The following H2BC18 variants were observed in gnomAD, a reference collection of about 807,000 sequenced individuals.
H2BC18 encodes the protein H2B clustered histone 18, also known as histone H2B type 2-F.
H2BC18 carries 8 observed loss-of-function variants against 6.3 expected under a neutral mutation model. The observed-to-expected ratio is 1.28, with a 90% confidence interval of 0.75 to 2.31. The LOEUF (loss-of-function observed/expected upper bound fraction) is 2.31, where lower values mean the gene tolerates loss of function less well. Among genes scored for constraint, H2BC18 ranks in the 30% most tolerant of loss-of-function variants. H2BC18 has a pLI of 0.00. For synonymous variants in H2BC18, 104 were observed against 78.1 expected (o/e 1.33, Z -1.75); for missense variants, 106 against 174.5 (o/e 0.61, Z 2.21).
At chr1:149,797,733 A>G (rs1303597447) in intron 1 of H2BC18, among the ~76,000 whole-genome samples, 5 of 152,080 alleles carry the variant, frequency 3.3e-5, no homozygotes, top group African/African-American at 1.2e-4. Flanking sequence ...TAGCAGTTCG[A>G]ACTATAGGCG....
At chr1:149,789,838 T>G (rs1442719503) in intron 1 of H2BC18, among the ~76,000 whole-genome samples, 1 of 152,162 alleles carries the variant, frequency 6.6e-6, no homozygotes. Context: ...ACCACTGGTA[T>G]AGAGGTATCC....
intron 1 of H2BC18, chr1:149,786,124 A>C (rs1553750819): frequency 6.6e-6 from 1 of 152,128 alleles, no homozygotes; most frequent in Non-Finnish European, 1.5e-5. Context: ...CTAATGTTTG[A>C]CAGTATCTGA....
chr1:149,792,385 G>A lies in H2BC18; in HGVS notation c.378-9125C>T. 3 of 366,074 alleles carry A rather than the reference G, an allele frequency of 8.2e-6. No individual in the cohort carries two copies. The South Asian group carries it at 9.4e-5, about 12-fold the overall frequency. 22.7% of individuals were successfully genotyped at this position (366,074 alleles called of 1,614,324 possible). A position where few individuals can be genotyped will look rare whatever the true frequency, so the allele number is the denominator to read the frequency against. ...TTACTAATTAGCTTCAGGATACGCT[G>A]CTCTCATACTTGGGCTGTAGTTTGG... is the stretch of plus-strand genomic sequence containing the variant. On this transcript the variant is annotated intron_variant, in intron 1 of 1. Transcript: ENST00000545683.
At chr1:149,792,669 C>A (rs1204798706) in intron 1 of H2BC18, 2 of 1,278,302 alleles carry the variant, frequency 1.6e-6, no homozygotes, top group East Asian at 1.1e-4. Context: ...GGGCCGCAGC[C>A]GCCAGCGCCC....
At chr1:149,790,071 G>T (rs782759865) in intron 1 of H2BC18, 1 of 1,613,806 alleles carries the variant, frequency 6.2e-7, no homozygotes, top group African/African-American at 1.3e-5. Flanking sequence ...TCCAGCTCCA[G>T]TGCTGAATGC....
Position 149,812,234 on chromosome 1 carries a change from G to C in H2BC18, c.90C>G (p.Arg30=), listed in dbSNP as rs1312455275. The change falls in exon 1 of 1, where the codon CGC becomes CGG. Residue 30 remains arginine (R), a synonymous_variant. Transcript: ENST00000369167. ...AGTAGCTCTCCTTGCGGCTGCGCTT[G>C]CGCTTCTTGCCGTCCTTCTTCTGCA... ...TKVQKKDGKK[R]KRSRKESYSV... 1.9e-6 allele frequency: 3 copies of C among 1,614,262 alleles called. No homozygotes were observed. The South Asian group carries it at 3.3e-5, about 18-fold the overall frequency.
chr1:149,788,625 A>G, intron 1 of H2BC18: 2 of 1,613,980 alleles, frequency 1.2e-6, no homozygotes, highest in Non-Finnish European at 1.7e-6. Context: ...AAGGTATTGT[A>G]TTGGAATAGT....
chr1:149,791,816 TA>T, intron 1 of H2BC18: 1 of 381,224 alleles, frequency 2.6e-6, no homozygotes, highest in Non-Finnish European at 4.6e-6. Flanking sequence ...CAGAACAAGG[TA>T]AAAAGGTGAG....
chr1:149,786,985 C>T (rs1553750911), intron 1 of H2BC18: 1 of 152,072 alleles, frequency 6.6e-6, no homozygotes, highest in Non-Finnish European at 1.5e-5. Flanking sequence ...GTAGAGCATC[C>T]ACAAAATCAA....
intron 1 of H2BC18, chr1:149,784,202 G>A: frequency 6.2e-7 from 1 of 1,611,344 alleles, no homozygotes; most frequent in South Asian, 1.1e-5. Flanking sequence ...GTGAATACAG[G>A]TGCCAGAGAG....
downstream of H2BC18, among the ~76,000 whole-genome samples, chr1:149,807,696 C>T (rs1423851054): frequency 9.2e-5 from 14 of 151,770 alleles, no homozygotes; most frequent in African/African-American, 1.5e-4. Flanking sequence ...CCCAGCTACT[C>T]GGGGGGCTGA....
intron 1 of H2BC18, among the ~76,000 whole-genome samples, chr1:149,796,222 G>A (rs1467319762): frequency 1.3e-5 from 2 of 152,116 alleles, no homozygotes; most frequent in Non-Finnish European, 2.9e-5. Flanking sequence ...AACACTTAGA[G>A]AAGATTAAAA....
At chr1:149,786,706 T>C (rs2091560614) in intron 1 of H2BC18, 1 of 152,144 alleles carries the variant, frequency 6.6e-6, no homozygotes, top group East Asian at 1.9e-4. Flanking sequence ...ATCTCGTGAG[T>C]TTTGATATAT....
At chr1:149,811,284 C>T (rs1449014400), downstream of H2BC18, 1 of 157,694 alleles carries the variant, frequency 6.3e-6, no homozygotes. Flanking sequence ...ACACACCTGA[C>T]AACCCAAAAC....
chr1:149,788,514 C>A (rs1553751152), intron 1 of H2BC18: 1 of 1,613,698 alleles, frequency 6.2e-7, no homozygotes, highest in Non-Finnish European at 8.5e-7. Flanking sequence ...GGAATTCTAA[C>A]CTCACCATTC....
rs1260317128 is a variant in H2BC18, at chr1:149,785,414, T to G, written c.378-2154A>C. ...AAGCTGACAGAGCTGTTTCGTTTTT[T>G]TTTTTTTTTTTTTTTTTTTTGAGAC... On this transcript the variant is annotated intron_variant, in intron 1 of 1. Transcript: ENST00000545683. Among the ~76,000 whole-genome samples, 35 of 131,492 alleles carry G rather than the reference T, an allele frequency of 2.7e-4. No individual in the cohort carries two copies. In the East Asian group the frequency reaches 3.7e-3, roughly 14 times the overall value. 86.3% of individuals were successfully genotyped at this position (131,492 alleles called of 152,430 possible). A position where few individuals can be genotyped will look rare whatever the true frequency, so the allele number is the denominator to read the frequency against.
intron 1 of H2BC18, among the ~76,000 whole-genome samples, chr1:149,796,450 G>A (rs1248782982): frequency 6.6e-6 from 1 of 152,198 alleles, no homozygotes; most frequent in African/African-American, 2.4e-5. Flanking sequence ...GTCCTCTGGA[G>A]CCTGGCTGTG....
chr1:149,800,138 A>C (rs1385614775), intron 1 of H2BC18, among the ~76,000 whole-genome samples: 1 of 152,056 alleles, frequency 6.6e-6, no homozygotes, highest in East Asian at 1.9e-4. Context: ...AACTCAGAGA[A>C]ACACTTGGGT....
At chr1:149,811,742 A>T (rs2091977080), downstream of H2BC18, 1 of 676,352 alleles carries the variant, frequency 1.5e-6, no homozygotes, top group South Asian at 1.9e-5. Flanking sequence ...GGGATGACTG[A>T]GGGCCAACTC....
Sources: gnomAD v4.1 joint callset for allele counts (sites outside exome capture counted in the v4.1 genomes callset) on GRCh38, gnomAD v4.1.1 for gene constraint, MANE v1.5 for transcripts, NCBI Gene and HGNC (gene_info 2026-07-23, HGNC 2026-07-21) for gene names.